Variants in GRAMD2B observed in about 807,000 individuals in gnomAD.
GRAMD2B encodes the protein GRAM domain containing 2B.
A neutral mutation model predicts 59.2 loss-of-function variants in GRAMD2B; 41 were observed. That is an observed-to-expected ratio of 0.69 (90% CI 0.54 to 0.90). The LOEUF (loss-of-function observed/expected upper bound fraction) is 0.90. GRAMD2B is among the 40% of genes least tolerant of loss of function. The pLI is 0.00. For synonymous variants in GRAMD2B, 161 were observed against 182.7 expected (o/e 0.88, Z 0.96); for missense variants, 424 against 500.5 (o/e 0.85, Z 1.46).
intron 1 of GRAMD2B, among the ~76,000 whole-genome samples, chr5:126,435,443 C>T (rs556394547): frequency 4.7e-4 from 71 of 152,248 alleles, no homozygotes; most frequent in Middle Eastern, 3.4e-3. Context: ...TCTCCTGTGG[C>T]GTGACTGGCT....
chr5:126,435,661 C>T (rs977984928), intron 1 of GRAMD2B, among the ~76,000 whole-genome samples: 1 of 152,212 alleles, frequency 6.6e-6, no homozygotes, highest in African/African-American at 2.4e-5. Context: ...TTTATTAGAT[C>T]CCTTCCAACC....
At chr5:126,376,843 T>C (rs1329091567) in intron 1 of GRAMD2B, among the ~76,000 whole-genome samples, 1 of 152,026 alleles carries the variant, frequency 6.6e-6, no homozygotes, top group Non-Finnish European at 1.5e-5. Context: ...GGAGGACCTA[T>C]GAACTCTGCA....
upstream of GRAMD2B, among the ~76,000 whole-genome samples, chr5:126,369,744 A>G (rs1274570222): frequency 6.6e-6 from 1 of 152,186 alleles, no homozygotes; most frequent in East Asian, 1.9e-4. Context: ...CCTCCTTTAG[A>G]GACATTTTGT....
chr5:126,474,400 A>C (rs1410922781), intron 5 of GRAMD2B, among the ~76,000 whole-genome samples: 1 of 152,250 alleles, frequency 6.6e-6, no homozygotes, highest in East Asian at 1.9e-4. Context: ...ACTATTCTTT[A>C]GGTAAAACAT....
chr5:126,462,922 T>C (rs140743700), intron 1 of GRAMD2B, among the ~76,000 whole-genome samples: 38 of 152,318 alleles, frequency 2.5e-4, no homozygotes, highest in African/African-American at 8.9e-4. Flanking sequence ...GTATGTTCCA[T>C]CCTTGAAAGA....
At chr5:126,461,020 G>A (rs868866149) in intron 1 of GRAMD2B, among the ~76,000 whole-genome samples, 1 of 152,054 alleles carries the variant, frequency 6.6e-6, no homozygotes, top group Non-Finnish European at 1.5e-5. Flanking sequence ...TATGCCTTTA[G>A]CTTAGATTAA....
At chr5:126,427,970 C>T (rs1356548832) in intron 1 of GRAMD2B, among the ~76,000 whole-genome samples, 1 of 152,044 alleles carries the variant, frequency 6.6e-6, no homozygotes, top group Non-Finnish European at 1.5e-5. Flanking sequence ...GGTGTGGTAG[C>T]TCACTATAAT....
chr5:126,450,694 C>T (rs1419850355), intron 1 of GRAMD2B, among the ~76,000 whole-genome samples: 1 of 150,304 alleles, frequency 6.7e-6, no homozygotes, highest in East Asian at 2.0e-4. Context: ...CTCACTCTGT[C>T]CCGGCCAGTC....
At chr5:126,427,681 C>T (rs553114076) in intron 1 of GRAMD2B, among the ~76,000 whole-genome samples, 4 of 152,036 alleles carry the variant, frequency 2.6e-5, no homozygotes, top group Non-Finnish European at 5.9e-5. Context: ...AATAAATGAC[C>T]GCAGTGGCAA....
intron 8 of GRAMD2B, among the ~76,000 whole-genome samples, chr5:126,483,242 G>C (rs1035113641): frequency 6.6e-6 from 1 of 152,174 alleles, no homozygotes; most frequent in African/African-American, 2.4e-5. Context: ...TTTCGAACGA[G>C]TTGGCCAGTG....
intron 1 of GRAMD2B, among the ~76,000 whole-genome samples, chr5:126,432,289 GGT>G (rs2149804184): frequency 6.6e-6 from 1 of 152,202 alleles, no homozygotes; most frequent in Non-Finnish European, 1.5e-5. Flanking sequence ...ATATATATCA[GGT>G]GTATGATTAT....
intron 1 of GRAMD2B, among the ~76,000 whole-genome samples, chr5:126,398,172 C>T (rs1407961718): frequency 6.6e-6 from 1 of 151,684 alleles, no homozygotes; most frequent in African/African-American, 2.4e-5. Context: ...CACAGTCATG[C>T]ACCACCATGC....
At chr5:126,372,278 G>A (rs778207984) in intron 1 of GRAMD2B, among the ~76,000 whole-genome samples, 6 of 152,060 alleles carry the variant, frequency 3.9e-5, no homozygotes, top group Non-Finnish European at 7.4e-5. Context: ...ATATTCAAAA[G>A]AAAGTTTTTC....
At chr5:126,366,036 G>A (rs1339760160) in intron 1 of GRAMD2B, among the ~76,000 whole-genome samples, 1 of 152,044 alleles carries the variant, frequency 6.6e-6, no homozygotes, top group African/African-American at 2.4e-5. Context: ...TAATCTTCTG[G>A]GGGCAAACTC....
At chr5:126,407,536 GA>G (rs1356368669) in intron 1 of GRAMD2B, among the ~76,000 whole-genome samples, 4 of 151,960 alleles carry the variant, frequency 2.6e-5, no homozygotes, top group Admixed American at 1.3e-4. Flanking sequence ...ATAGACAAGA[GA>G]GATTATGGCT....
At chr5:126,387,350 A>C (rs1756249436) in intron 1 of GRAMD2B, among the ~76,000 whole-genome samples, 1 of 151,694 alleles carries the variant, frequency 6.6e-6, no homozygotes, top group Non-Finnish European at 1.5e-5. Flanking sequence ...TTTTCCCAAC[A>C]TTGCTACTGG....
intron 1 of GRAMD2B, among the ~76,000 whole-genome samples, chr5:126,408,448 T>C (rs181948020): frequency 9.9e-5 from 15 of 152,182 alleles, no homozygotes; most frequent in Admixed American, 3.9e-4. Flanking sequence ...TGATTAATTT[T>C]CTTTTTGATA....
intron 1 of GRAMD2B, among the ~76,000 whole-genome samples, chr5:126,457,436 C>G (rs181355460): frequency 2.0e-5 from 3 of 152,048 alleles, no homozygotes; most frequent in African/African-American, 7.2e-5. Flanking sequence ...GAGTTCAAGA[C>G]CAGCCTGGCC....
intron 13 of GRAMD2B, among the ~76,000 whole-genome samples, chr5:126,489,626 C>G (rs550895980): frequency 2.0e-5 from 3 of 152,270 alleles, no homozygotes; most frequent in African/African-American, 7.2e-5. Context: ...AACGCTAGGG[C>G]AAAACTGTCC....
Sources: allele counts gnomAD v4.1 joint callset (sites outside exome capture counted in the v4.1 genomes callset), GRCh38; gene constraint gnomAD v4.1.1; transcripts MANE v1.5; gene names NCBI Gene and HGNC (gene_info 2026-07-23, HGNC 2026-07-21).